The following SNTG1 variants were observed in gnomAD, a reference collection of about 807,000 sequenced individuals.
SNTG1 encodes gamma-1-syntrophin.
A neutral mutation model predicts 74.7 loss-of-function variants in SNTG1; 39 were observed. The ratio of observed to expected loss-of-function variants is 0.52; its 90% CI spans 0.40 to 0.68. SNTG1 has a LOEUF of 0.68. Ranked by LOEUF, SNTG1 falls within the 30% of genes least tolerant of loss-of-function variation. The probability of loss-of-function intolerance (pLI) is 0.00; values close to 1 mark genes in which losing one functional copy is unlikely to be tolerated. For missense variants in SNTG1, 685 were observed against 609.5 expected, an observed-to-expected ratio of 1.12 and a Z score of -1.30; for synonymous variants, 254 against 217.1, an observed-to-expected ratio of 1.17 and a Z score of -1.49.
rs546792646 is a variant in SNTG1, at chr8:50,149,561, T to C, written c.-102-23000T>C. Among the ~76,000 whole-genome samples, 11 of 152,348 alleles carry C rather than the reference T, an allele frequency of 7.2e-5. No homozygotes were observed. In the South Asian group the frequency reaches 2.3e-3, roughly 32 times the overall value. The stretch of plus-strand genomic sequence containing the variant: ...AAGTCTTCAATCCATCTTGAATTAA[T>C]TTTTGTATAAGGTGTAAGGAAGGGA... On this transcript the variant is annotated intron_variant, in intron 1 of 18. Transcript: ENST00000642720.
chr8:50,345,667 A>G (rs1420837284), intron 2 of SNTG1, among the ~76,000 whole-genome samples: 1 of 152,262 alleles, frequency 6.6e-6, no homozygotes, highest in Non-Finnish European at 1.5e-5. Flanking sequence ...ATCAAGATCA[A>G]ACAAAAAATA....
chr8:49,941,509 T>A (rs773616869), intron 1 of SNTG1, among the ~76,000 whole-genome samples: 10 of 148,062 alleles, frequency 6.8e-5, no homozygotes, highest in Non-Finnish European at 1.2e-4. Context: ...TATATTTATA[T>A]ATTATATATT....
chr8:50,600,236 T>C (rs1321151973), intron 13 of SNTG1, among the ~76,000 whole-genome samples: 3 of 152,120 alleles, frequency 2.0e-5, no homozygotes, highest in Non-Finnish European at 4.4e-5. Context: ...TCAGTTTTCA[T>C]CAGAAATATT....
intron 1 of SNTG1, among the ~76,000 whole-genome samples, chr8:50,144,917 A>T (rs563147057): frequency 6.6e-6 from 1 of 152,198 alleles, no homozygotes; most frequent in African/African-American, 2.4e-5. Context: ...AGTCTTGGTA[A>T]TCTTGAATAA....
chr8:50,214,767 TTAAAA>T (rs1459187582), intron 2 of SNTG1, among the ~76,000 whole-genome samples: 1 of 152,042 alleles, frequency 6.6e-6, no homozygotes, highest in African/African-American at 2.4e-5. Context: ...GGTTGGACAC[TTAAAA>T]TAAAAATAAA....
chr8:50,087,514 A>C (rs1323543951), intron 1 of SNTG1, among the ~76,000 whole-genome samples: 1 of 152,104 alleles, frequency 6.6e-6, no homozygotes, highest in Admixed American at 6.6e-5. Flanking sequence ...CTCTTCCTAC[A>C]TTTCTCTTTT....
chr8:50,432,934 CG>C (rs1269461561), intron 4 of SNTG1, among the ~76,000 whole-genome samples: 2 of 151,770 alleles, frequency 1.3e-5, no homozygotes, highest in Non-Finnish European at 2.9e-5. Flanking sequence ...GGGATTACAG[CG>C]CACATCTCCA....
intron 12 of SNTG1, among the ~76,000 whole-genome samples, chr8:50,575,138 C>A (rs2094570020): frequency 6.6e-6 from 1 of 152,108 alleles, no homozygotes; most frequent in South Asian, 2.1e-4. Flanking sequence ...CTGTTCAGTC[C>A]TACAGCTATG....
chr8:50,738,630 G>A (rs1292969062), intron 17 of SNTG1, among the ~76,000 whole-genome samples: 2 of 152,016 alleles, frequency 1.3e-5, no homozygotes, highest in African/African-American at 4.8e-5. Context: ...AACAAAGCTG[G>A]AGGCATCATG....
intron 1 of SNTG1, among the ~76,000 whole-genome samples, chr8:50,018,164 T>C (rs1044940843): frequency 6.6e-6 from 1 of 152,000 alleles, no homozygotes; most frequent in African/African-American, 2.4e-5. Flanking sequence ...ATTTTTATGA[T>C]GCTTATAAAA....
intron 17 of SNTG1, among the ~76,000 whole-genome samples, chr8:50,737,226 T>C (rs1314865672): frequency 6.6e-6 from 1 of 151,976 alleles, no homozygotes; most frequent in Non-Finnish European, 1.5e-5. Flanking sequence ...ATAAAGGGCA[T>C]ATTACCACTG....
intron 1 of SNTG1, among the ~76,000 whole-genome samples, chr8:49,938,613 TTCTTTC>T (rs1368765496): frequency 8.1e-6 from 1 of 123,778 alleles, no homozygotes; most frequent in Non-Finnish European, 1.6e-5. Context: ...TTTTCTTTCT[TTCTTTC>T]TTTCTTTCTT....
At chr8:50,079,399 T>C (rs1347864203) in intron 1 of SNTG1, among the ~76,000 whole-genome samples, 2 of 147,258 alleles carry the variant, frequency 1.4e-5, no homozygotes, top group Admixed American at 1.4e-4. Flanking sequence ...CACTTTTTGA[T>C]GGGGTTGTTT....
chr8:50,054,470 T>C (rs203959), intron 1 of SNTG1, among the ~76,000 whole-genome samples: 133,134 of 152,034 alleles, frequency 0.88, 58,387 homozygotes, highest in East Asian at 0.99. Context: ...TTGGCCAAGG[T>C]ATCATCTTTT....
At position 50,792,911 on chromosome 8, in the gene SNTG1, A is replaced by G. The variant is rs1359778154; in HGVS notation, c.*82A>G. On this transcript the variant is annotated 3_prime_UTR_variant, in exon 19 of 19. Coordinates refer to ENST00000642720, the MANE Select transcript of SNTG1 (RefSeq NM_018967.5). Reference sequence around the variant, plus strand: ...CATCATTTTAGACCCTAGAGAAACCATAACATCACCAAGTCGACAGTGGAG... The same window carrying G: ...CATCATTTTAGACCCTAGAGAAACCGTAACATCACCAAGTCGACAGTGGAG... 3 of 1,408,294 alleles carry G rather than the reference A, an allele frequency of 2.1e-6. No homozygotes were observed. In the East Asian group the frequency reaches 7.4e-5, roughly 35 times the overall value. 87.2% of individuals were successfully genotyped at this position (1,408,294 alleles called of 1,614,324 possible). A position where few individuals can be genotyped will look rare whatever the true frequency, so the allele number is the denominator to read the frequency against.
chr8:50,336,292 A>G (rs1474101915), intron 2 of SNTG1, among the ~76,000 whole-genome samples: 1 of 152,204 alleles, frequency 6.6e-6, no homozygotes, highest in Non-Finnish European at 1.5e-5. Flanking sequence ...ATTCCCTTCT[A>G]TACTCTGAAT....
intron 18 of SNTG1, among the ~76,000 whole-genome samples, chr8:50,756,155 T>A (rs991926520): frequency 1.3e-5 from 2 of 151,920 alleles, no homozygotes; most frequent in African/African-American, 4.8e-5. Context: ...CCTTAGCATC[T>A]TTTATCTGCT....
chr8:50,212,131 CT>C (rs1262521419), intron 2 of SNTG1, among the ~76,000 whole-genome samples: 2 of 151,826 alleles, frequency 1.3e-5, no homozygotes, highest in Non-Finnish European at 2.9e-5. Context: ...CTCTCATTTT[CT>C]TCATCAGCGG....
rs148005020 is a variant in SNTG1, at chr8:50,291,988, GGTGT to G, written c.-27-102208_-27-102205del. On this transcript the variant is annotated intron_variant, in intron 2 of 18. Coordinates refer to ENST00000642720, the MANE Select transcript of SNTG1 (RefSeq NM_018967.5). ...CATGGTAGGAAGCAGAATGAGGAAA[GGTGT>G]GTGTGTGTGTGTGTGCTCTAATGTT... is the stretch of plus-strand genomic sequence containing the variant. 8.7e-3 allele frequency among the ~76,000 whole-genome samples: 1,304 copies of G among 150,178 alleles called. 22 individuals are homozygous for G. Among genetic ancestry groups the G allele is most frequent in the African/African-American group, 0.03 (1,236 of 40,984 alleles).
Sources: gnomAD v4.1 joint callset for allele counts (sites outside exome capture counted in the v4.1 genomes callset) on GRCh38, gnomAD v4.1.1 for gene constraint, MANE v1.5 for transcripts, NCBI Gene and HGNC (gene_info 2026-07-23, HGNC 2026-07-21) for gene names.